GALNT17: variants seen among roughly 807,000 people sequenced by gnomAD.
GALNT17 encodes the protein UDP-GalNAc:polypeptide N-acetylgalactosaminyltransferase-like 3.
Under a neutral mutation model 63.7 loss-of-function variants are expected in GALNT17, and 29 were observed. The observed-to-expected ratio is 0.46, with a 90% CI of 0.34 to 0.62. GALNT17 has a LOEUF of 0.62. GALNT17 is among the 20% of genes least tolerant of loss of function. The pLI is 0.01. For synonymous variants in GALNT17, 305 were observed against 318.3 expected, an observed-to-expected ratio of 0.96 and a Z score of 0.45; for missense variants, 603 against 799.6, an observed-to-expected ratio of 0.75 and a Z score of 2.97.
chr7:71,329,913 A>ATG (rs1301533792), intron 1 of GALNT17, among the ~76,000 whole-genome samples: 1 of 116,222 alleles, frequency 8.6e-6, no homozygotes, highest in African/African-American at 3.2e-5. Flanking sequence ...GTATATATAT[A>ATG]TGTATGTGTG....
Position 71,385,341 on chromosome 7 carries a change from G to T in GALNT17, c.423-2894G>T, listed in dbSNP as rs1792921940. On this transcript the variant is annotated intron_variant, in intron 2 of 10. Coordinates refer to ENST00000333538, the MANE Select transcript of GALNT17 (RefSeq NM_022479.3). ...GCCCAGCCGTCTGAGCATGCACAGT[G>T]CAGCTTCCATATCCAGCCCCTTTAA... Among the ~76,000 whole-genome samples, 4 of 152,206 alleles carry T rather than the reference G, an allele frequency of 2.6e-5. No homozygotes were observed. The South Asian group carries it at 8.3e-4, about 32-fold the overall frequency.
At chr7:71,306,297 A>G (rs1315352095) in intron 1 of GALNT17, among the ~76,000 whole-genome samples, 2 of 152,120 alleles carry the variant, frequency 1.3e-5, no homozygotes, top group Non-Finnish European at 2.9e-5. Context: ...TTATATGTGC[A>G]TATATCAGTA....
intron 1 of GALNT17, among the ~76,000 whole-genome samples, chr7:71,323,230 A>G (rs1272826395): frequency 6.6e-6 from 1 of 152,124 alleles, no homozygotes; most frequent in Admixed American, 6.6e-5. Flanking sequence ...CCATTTTTGA[A>G]ATTTTATTTA....
intron 1 of GALNT17, among the ~76,000 whole-genome samples, chr7:71,177,444 G>A (rs1240032548): frequency 6.6e-6 from 1 of 152,118 alleles, no homozygotes; most frequent in African/African-American, 2.4e-5. Context: ...GAAAACCATG[G>A]CTGAAAATCT....
intron 1 of GALNT17, among the ~76,000 whole-genome samples, chr7:71,184,208 A>G (rs566110849): frequency 6.6e-6 from 1 of 152,258 alleles, no homozygotes; most frequent in African/African-American, 2.4e-5. Flanking sequence ...TGACACCTTC[A>G]TCTCGGACTT....
At chr7:71,143,338 C>T (rs1207355331) in intron 1 of GALNT17, among the ~76,000 whole-genome samples, 1 of 146,748 alleles carries the variant, frequency 6.8e-6, no homozygotes, top group African/African-American at 2.5e-5. Context: ...AGGAGAATCA[C>T]TTGAACTCAG....
chr7:71,544,295 C>T (rs1788944486), intron 5 of GALNT17, among the ~76,000 whole-genome samples: 1 of 108,910 alleles, frequency 9.2e-6, no homozygotes, highest in South Asian at 3.4e-4. Context: ...CCACGCCCGG[C>T]TATTTTTTTT....
chr7:71,330,949 C>T (rs1791797657), intron 1 of GALNT17, among the ~76,000 whole-genome samples: 1 of 152,140 alleles, frequency 6.6e-6, no homozygotes, highest in Non-Finnish European at 1.5e-5. Flanking sequence ...TCTGCCACGG[C>T]TCTAGCCTGC....
chr7:71,697,638 T>C (rs1791564434), intron 9 of GALNT17, among the ~76,000 whole-genome samples: 1 of 152,182 alleles, frequency 6.6e-6, no homozygotes, highest in South Asian at 2.1e-4. Context: ...GTGAGCATCA[T>C]CATACCAAAA....
chr7:71,640,856 A>T (rs924802656), intron 6 of GALNT17, among the ~76,000 whole-genome samples: 1 of 152,036 alleles, frequency 6.6e-6, no homozygotes, highest in Non-Finnish European at 1.5e-5. Context: ...AAAAAAAAAA[A>T]AACTAAACTA....
chr7:71,641,417 A>G (rs538004711), intron 6 of GALNT17, among the ~76,000 whole-genome samples: 12 of 152,172 alleles, frequency 7.9e-5, no homozygotes, highest in Non-Finnish European at 1.0e-4. Flanking sequence ...AATACCGTAC[A>G]CTAGGTAGCT....
chr7:71,133,140 G>C (rs1051538888), intron 1 of GALNT17, 100 bp downstream of exon 1: 6 of 1,056,410 alleles, frequency 5.7e-6, no homozygotes, highest in Non-Finnish European at 7.8e-6. Flanking sequence ...CCTGGGAGCC[G>C]GCACACCCTG....
intron 1 of GALNT17, among the ~76,000 whole-genome samples, chr7:71,275,289 G>C (rs1790662894): frequency 6.6e-6 from 1 of 152,170 alleles, no homozygotes; most frequent in Non-Finnish European, 1.5e-5. Flanking sequence ...AAATTCCCAA[G>C]ATGTAGTGAC....
At chr7:71,613,589 C>A (rs1347292652) in intron 6 of GALNT17, among the ~76,000 whole-genome samples, 1 of 152,114 alleles carries the variant, frequency 6.6e-6, no homozygotes, top group Non-Finnish European at 1.5e-5. Context: ...TCATTGCATT[C>A]TGTCTCCTCT....
chr7:71,613,557 G>C (rs55955905), intron 6 of GALNT17, among the ~76,000 whole-genome samples: 10 of 152,268 alleles, frequency 6.6e-5, no homozygotes, highest in Non-Finnish European at 1.3e-4. Flanking sequence ...TGAGCATAGA[G>C]AGCTTGGAGG....
chr7:71,339,154 A>G (rs992181729), intron 2 of GALNT17, among the ~76,000 whole-genome samples: 1 of 152,200 alleles, frequency 6.6e-6, no homozygotes, highest in Non-Finnish European at 1.5e-5. Context: ...CCGGTTGAAC[A>G]AGTATTATTG....
rs577758943 is a variant in GALNT17 at position 71,210,353 on chromosome 7, T to G, written c.238+77313T>G. ...CAAACCGGATCATTGCCCAAGTTGG[T>G]TTTGGACTCCTGAGCTCAGGTGATT... On this transcript the variant is annotated intron_variant, in intron 1 of 10. Coordinates refer to ENST00000333538, the MANE Select transcript of GALNT17 (RefSeq NM_022479.3). Among the ~76,000 whole-genome samples, 389 of 151,952 alleles carry G rather than the reference T, an allele frequency of 2.6e-3. 1 individual carries two copies. The highest frequency in any genetic ancestry group is 4.6e-3 in the Non-Finnish European group (314 of 67,932).
chr7:71,214,206 G>T (rs1789432531), intron 1 of GALNT17, among the ~76,000 whole-genome samples: 1 of 152,214 alleles, frequency 6.6e-6, no homozygotes, highest in Non-Finnish European at 1.5e-5. Context: ...TGAGAGGTGT[G>T]CACTATGAAT....
At chr7:71,284,517 G>A (rs1378524421) in intron 1 of GALNT17, 1 of 151,918 alleles carries the variant, frequency 6.6e-6, no homozygotes, top group Non-Finnish European at 1.5e-5. Context: ...GTTTTATAAG[G>A]GGCTTTTCCC....
Sources: gnomAD v4.1 joint callset for allele counts (sites outside exome capture counted in the v4.1 genomes callset) on GRCh38, gnomAD v4.1.1 for gene constraint, MANE v1.5 for transcripts, NCBI Gene and HGNC (gene_info 2026-07-23, HGNC 2026-07-21) for gene names.